Variants in CDC42BPA observed in about 807,000 individuals in gnomAD.
The protein encoded by CDC42BPA is CDC42 binding protein kinase alpha.
CDC42BPA carries 80 observed loss-of-function variants against 223.5 expected under a neutral mutation model. The observed-to-expected ratio is 0.36, with a 90% CI of 0.30 to 0.43. The LOEUF (loss-of-function observed/expected upper bound fraction) is 0.43, where lower values mean the gene tolerates loss of function less well. Ranked by LOEUF, CDC42BPA falls within the 20% of genes least tolerant of loss-of-function variation. The pLI is 1.00. For missense variants in CDC42BPA, 1,743 were observed against 2,099.9 expected (o/e 0.83, Z 3.32); for synonymous variants, 694 against 718.6 (o/e 0.97, Z 0.55).
intron 3 of CDC42BPA, among the ~76,000 whole-genome samples, chr1:227,202,635 T>A (rs986570231): frequency 6.6e-6 from 1 of 151,600 alleles, no homozygotes; most frequent in African/African-American, 2.4e-5. Context: ...AAAATAAAAA[T>A]AATAGGCCAG....
At chr1:227,188,467 T>G (rs540244183) in intron 5 of CDC42BPA, among the ~76,000 whole-genome samples, 6 of 151,590 alleles carry the variant, frequency 4.0e-5, no homozygotes, top group African/African-American at 1.4e-4. Flanking sequence ...TTCCCAAAAC[T>G]TAGAAGCAAC....
chr1:227,143,013 G>C lies in CDC42BPA; in HGVS notation c.1155C>G (p.Pro385=). The change falls in exon 9 of 37, where the codon CCC becomes CCG. Residue 385 remains proline (P), a synonymous_variant. Coordinates refer to ENST00000366766, the MANE Select transcript of CDC42BPA (RefSeq NM_001394014.1). ...DDCLKNSETM[P]PPTHTAFSGH... ...CAGAAAATGCAGTATGTGTTGGTGG[G>C]GGCATCGTTTCCTAAAGGAGGAAAA... The C allele has an allele frequency of 1.3e-6, 2 of 1,525,828 alleles. No individual in the cohort carries two copies. Among genetic ancestry groups the C allele is most frequent in the Non-Finnish European group, 1.7e-6 (2 of 1,146,968 alleles). 94.5% of individuals were successfully genotyped at this position (1,525,828 alleles called of 1,614,324 possible). A position where few individuals can be genotyped will look rare whatever the true frequency, so the allele number is the denominator to read the frequency against.
intron 3 of CDC42BPA, among the ~76,000 whole-genome samples, chr1:227,212,437 C>G (rs865939691): frequency 6.6e-5 from 10 of 152,160 alleles, no homozygotes; most frequent in Middle Eastern, 3.4e-3. Flanking sequence ...AAAATACTGA[C>G]AGAATTCTAC....
intron 1 of CDC42BPA, among the ~76,000 whole-genome samples, chr1:227,281,409 C>T (rs1687997119): frequency 6.6e-6 from 1 of 152,170 alleles, no homozygotes; most frequent in South Asian, 2.1e-4. Context: ...CCCAGTTCTC[C>T]AACCTGTACA....
intron 35 of CDC42BPA, among the ~76,000 whole-genome samples, chr1:226,999,842 C>A (rs1181762601): frequency 6.6e-6 from 1 of 150,708 alleles, no homozygotes; most frequent in Non-Finnish European, 1.5e-5. Flanking sequence ...AGCAAACTAA[C>A]ACAGGAACAG....
At chr1:227,019,907 T>G (rs1667060226) in intron 32 of CDC42BPA, among the ~76,000 whole-genome samples, 1 of 152,180 alleles carries the variant, frequency 6.6e-6, no homozygotes, top group Non-Finnish European at 1.5e-5. Context: ...AATTCTTTTT[T>G]TTTTTTGAGA....
chr1:227,288,560 G>T (rs574500935), intron 1 of CDC42BPA, among the ~76,000 whole-genome samples: 1 of 152,002 alleles, frequency 6.6e-6, no homozygotes, highest in Admixed American at 6.6e-5. Context: ...TTAGCCGGGC[G>T]TGGTGCACAC....
chr1:227,246,043 G>A (rs1331754493), intron 2 of CDC42BPA, among the ~76,000 whole-genome samples: 1 of 152,156 alleles, frequency 6.6e-6, no homozygotes, highest in Non-Finnish European at 1.5e-5. Context: ...ACCATTTCTG[G>A]ACCGGCTCTG....
chr1:226,991,730 TATGACCCATAGCA>T lies in CDC42BPA; in HGVS notation c.*2525_*2537del, dbSNP rs1660762064. 6.6e-6 allele frequency: 1 copy of T among 151,922 alleles called. No homozygotes were observed. The highest frequency in any genetic ancestry group is 2.4e-5 in the African/African-American group (1 of 41,338). 9.4% of individuals were successfully genotyped at this position (151,922 alleles called of 1,614,324 possible). On this transcript the variant is annotated 3_prime_UTR_variant, in exon 37 of 37. Transcript: ENST00000366766. ...TCTGCCCTGTTGGGAGGCTGAAGAG[TATGACCCATAGCA>T]GTGGAGCTAGACTTTAGGTAGGGTT...
At chr1:227,133,585 A>G (rs1657823976) in intron 10 of CDC42BPA, among the ~76,000 whole-genome samples, 1 of 152,218 alleles carries the variant, frequency 6.6e-6, no homozygotes, top group Non-Finnish European at 1.5e-5. Context: ...AGAGAGAAGT[A>G]GACATGGGAG....
rs1660965636 is a variant in CDC42BPA at position 226,993,237 on chromosome 1, C to T, written c.*1031G>A. 6.6e-6 allele frequency: 1 copy of T among 152,214 alleles called. No homozygotes were observed. Among genetic ancestry groups the T allele is most frequent in the African/African-American group, 2.4e-5 (1 of 41,442 alleles). The allele number at this position is 152,214 out of a possible 1,614,324, so 9.4% of individuals were successfully genotyped here. On this transcript the variant is annotated 3_prime_UTR_variant, in exon 37 of 37. Coordinates refer to ENST00000366766, the MANE Select transcript of CDC42BPA (RefSeq NM_001394014.1). ...TTCTGCACCTTCAGAAGCTACAACACTCCTTGTAACCTTTCAGATGGAAGG... is the reference window on the plus strand; with the variant it reads ...TTCTGCACCTTCAGAAGCTACAACATTCCTTGTAACCTTTCAGATGGAAGG...
chr1:227,034,763 C>A lies in CDC42BPA; in HGVS notation c.3368G>T (p.Trp1123Leu), dbSNP rs771348227. 3.7e-6 allele frequency: 6 copies of A among 1,612,402 alleles called. No individual in the cohort carries two copies. The Admixed American group carries it at 6.7e-5, about 18-fold the overall frequency. The stretch of plus-strand genomic sequence containing the variant: ...ACACACTATAGCCAGTGCTCTCTGC[C>A]ACCCTTTCTTCACTCCAGCTGGCTT... ...IPKPAGVKKG[W>L]QRALAIVCDF... The change falls in exon 26 of 37, where the codon TGG becomes TTG. Residue 1123 changes from tryptophan (W) to leucine (L), a missense_variant. By Grantham distance (61) the Trp-to-Leu change is moderately conservative. Transcript: ENST00000366766.
intron 5 of CDC42BPA, among the ~76,000 whole-genome samples, chr1:227,165,280 T>C (rs1298284034): frequency 6.6e-6 from 1 of 152,148 alleles, no homozygotes; most frequent in African/African-American, 2.4e-5. Context: ...GTCAACACAA[T>C]TTTCAAAGAT....
At chr1:227,078,600 T>A (rs1452703263) in intron 17 of CDC42BPA, among the ~76,000 whole-genome samples, 1 of 152,176 alleles carries the variant, frequency 6.6e-6, no homozygotes, top group Non-Finnish European at 1.5e-5. Context: ...GGTGAGAAGA[T>A]GTCCTTGCTC....
chr1:227,120,440 C>G (rs1277163387), intron 11 of CDC42BPA, among the ~76,000 whole-genome samples: 1 of 152,134 alleles, frequency 6.6e-6, no homozygotes, highest in Non-Finnish European at 1.5e-5. Context: ...AACTCCTGAT[C>G]TAAATCAATT....
intron 1 of CDC42BPA, among the ~76,000 whole-genome samples, chr1:227,261,125 T>TTTTTTTTTTTTTTTA: frequency 3.8e-5 from 1 of 26,518 alleles, no homozygotes; most frequent in East Asian, 1.2e-3. Context: ...TGAGTTTTTC[T>TTTTTTTTTTTTTTTA]TTTTTTTTGA....
intron 5 of CDC42BPA, among the ~76,000 whole-genome samples, chr1:227,193,372 T>A (rs1670092158): frequency 1.3e-5 from 2 of 152,080 alleles, no homozygotes; most frequent in Admixed American, 1.3e-4. Flanking sequence ...GAACTTTTTT[T>A]TTCATAGATT....
intron 2 of CDC42BPA, among the ~76,000 whole-genome samples, chr1:227,252,348 A>G (rs1682169551): frequency 6.6e-6 from 1 of 152,236 alleles, no homozygotes; most frequent in African/African-American, 2.4e-5. Context: ...AAACTAATAC[A>G]TACACAGAAC....
At chr1:227,194,521 C>T (rs1239948513) in intron 4 of CDC42BPA, among the ~76,000 whole-genome samples, 2 of 152,094 alleles carry the variant, frequency 1.3e-5, no homozygotes, top group Non-Finnish European at 2.9e-5. Flanking sequence ...GGGCTTTTCT[C>T]AGGTGTATAT....
Sources: gnomAD v4.1 joint callset for allele counts (sites outside exome capture counted in the v4.1 genomes callset) on GRCh38, gnomAD v4.1.1 for gene constraint, MANE v1.5 for transcripts, NCBI Gene and HGNC (gene_info 2026-07-23, HGNC 2026-07-21) for gene names.